The following EPYC variants were observed in gnomAD, a reference collection of about 807,000 sequenced individuals.
EPYC encodes the protein epiphycan, also known as dermatan sulfate proteoglycan 3.
In EPYC, 28 loss-of-function variants were observed where a neutral mutation model predicts 30.1. The ratio of observed to expected loss-of-function variants is 0.93; its 90% CI spans 0.69 to 1.28. EPYC has a LOEUF of 1.28. EPYC is among the 50% of genes most tolerant of loss of function. The pLI is 0.00. For missense variants in EPYC, 382 were observed against 383.5 expected (o/e 1.00, Z 0.03); for synonymous variants, 144 against 141.4 (o/e 1.02, Z -0.13).
intron 1 of EPYC, 112 bp from the exon 2 acceptor site, chr12:91,002,690 T>C: frequency 1.3e-6 from 1 of 775,368 alleles, no homozygotes; most frequent in Non-Finnish European, 2.0e-6. Context: ...AGCTGGTAGC[T>C]TTCCTTCCAT....
Position 90,964,210 on chromosome 12 carries a change from T to C in EPYC, c.915A>G (p.Lys305=), listed in dbSNP as rs749096189. 2 of 1,613,322 alleles carry C rather than the reference T, an allele frequency of 1.2e-6. No individual in the cohort carries two copies. The highest frequency in any genetic ancestry group is 1.7e-6 in the Non-Finnish European group (2 of 1,179,502). Residue 305 remains lysine, a synonymous_variant, in exon 7 of 7, where the codon AAA becomes AAG. Transcript: ENST00000261172. ...RLDGNPINLS[K]TPQAYMCLPR... ...GTAGACACATGTATGCTTGAGGAGT[T>C]TTGCTGAGATTAATAGGGTTTCCAT...
chr12:90,975,027 T>C (rs1449941829), intron 3 of EPYC, among the ~76,000 whole-genome samples: 1 of 152,098 alleles, frequency 6.6e-6, no homozygotes, highest in Non-Finnish European at 1.5e-5. Context: ...ATCAACCTAG[T>C]TGAAAGGTCT....
chr12:90,989,114 A>G (rs1019928285), intron 2 of EPYC, among the ~76,000 whole-genome samples: 3 of 152,082 alleles, frequency 2.0e-5, no homozygotes, highest in African/African-American at 7.2e-5. Flanking sequence ...CTCCTATATC[A>G]ATGTTAAATA....
At chr12:90,993,999 C>T (rs1565875687) in intron 2 of EPYC, among the ~76,000 whole-genome samples, 1 of 152,078 alleles carries the variant, frequency 6.6e-6, no homozygotes, top group Non-Finnish European at 1.5e-5. Flanking sequence ...TAAAAACTTA[C>T]ATTCCAATAG....
At chr12:90,980,415 C>T (rs902144765) in intron 2 of EPYC, among the ~76,000 whole-genome samples, 1 of 152,070 alleles carries the variant, frequency 6.6e-6, no homozygotes, top group Non-Finnish European at 1.5e-5. Flanking sequence ...AAAAGGAATG[C>T]CTTTTCACAT....
chr12:90,971,768 A>G (rs1394169423), intron 5 of EPYC, 32 bp downstream of exon 5: 2 of 1,358,670 alleles, frequency 1.5e-6, no homozygotes, highest in East Asian at 2.6e-5. Context: ...AAATTGGAAG[A>G]TAAAAGTCTG....
chr12:90,985,796 G>A (rs1877434782), intron 2 of EPYC, among the ~76,000 whole-genome samples: 1 of 152,082 alleles, frequency 6.6e-6, no homozygotes, highest in Non-Finnish European at 1.5e-5. Context: ...ACAGGACTGA[G>A]GGTGTCTGGG....
chr12:90,989,276 G>C (rs1001930877), intron 2 of EPYC, among the ~76,000 whole-genome samples: 5 of 151,750 alleles, frequency 3.3e-5, no homozygotes, highest in African/African-American at 1.2e-4. Flanking sequence ...GATCTTATTT[G>C]TTGTAGTACT....
intron 6 of EPYC, among the ~76,000 whole-genome samples, chr12:90,965,637 A>C (rs1028706256): frequency 5.9e-5 from 9 of 152,244 alleles, no homozygotes; most frequent in Middle Eastern, 6.8e-3. Context: ...TTTATAACCT[A>C]TAACATTGCT....
intron 2 of EPYC, among the ~76,000 whole-genome samples, chr12:90,990,632 C>G (rs549501279): frequency 3.3e-5 from 5 of 152,108 alleles, no homozygotes; most frequent in African/African-American, 1.2e-4. Context: ...GTAGGTAGTC[C>G]CACTTGGGAA....
chr12:90,979,315 C>T (rs1343071152), intron 2 of EPYC, among the ~76,000 whole-genome samples: 2 of 152,128 alleles, frequency 1.3e-5, no homozygotes, highest in Non-Finnish European at 2.9e-5. Flanking sequence ...TTTCCCTTAA[C>T]CACACCAATA....
At chr12:90,987,231 G>T (rs1037043648) in intron 2 of EPYC, among the ~76,000 whole-genome samples, 1 of 152,002 alleles carries the variant, frequency 6.6e-6, no homozygotes, top group Non-Finnish European at 1.5e-5. Context: ...TCTCTGACCA[G>T]AAACATTCCA....
intron 2 of EPYC, among the ~76,000 whole-genome samples, chr12:90,992,025 G>T (rs969983490): frequency 3.3e-5 from 5 of 152,170 alleles, no homozygotes; most frequent in African/African-American, 7.2e-5. Context: ...TGATTCTTCA[G>T]ATCAGTAGCC....
intron 2 of EPYC, among the ~76,000 whole-genome samples, chr12:90,996,088 A>G (rs1877687560): frequency 6.6e-6 from 1 of 151,940 alleles, no homozygotes; most frequent in African/African-American, 2.4e-5. Context: ...TATAAAGATA[A>G]GTATTGCATA....
Position 91,002,316 on chromosome 12 carries a change from C to A in EPYC, c.165+85G>T, listed in dbSNP as rs888284652. 45 of 1,168,178 alleles carry A rather than the reference C, an allele frequency of 3.9e-5. No individual in the cohort carries two copies. In the African/African-American group the frequency reaches 6.1e-4, roughly 16 times the overall value. The allele number at this position is 1,168,178 out of a possible 1,614,324, so 72.4% of individuals were successfully genotyped here. A position where few individuals can be genotyped will look rare whatever the true frequency, so the allele number is the denominator to read the frequency against. Reference sequence around the variant, plus strand: ...TAAAATCTTTCTACTTATAAAAAAACCCAAACATCTATTTGAGGAAAACAG... The same window carrying A: ...TAAAATCTTTCTACTTATAAAAAAAACCAAACATCTATTTGAGGAAAACAG... On this transcript the variant is annotated intron_variant, in intron 2 of 6. Transcript: ENST00000261172.
At chr12:90,992,632 A>T (rs1877611768) in intron 2 of EPYC, among the ~76,000 whole-genome samples, 1 of 152,284 alleles carries the variant, frequency 6.6e-6, no homozygotes, top group South Asian at 2.1e-4. Flanking sequence ...GTAAGACTGG[A>T]TGACTGATTC....
intron 2 of EPYC, 146 bp downstream of exon 2, chr12:91,002,253 CAT>C (rs1877848404): frequency 5.4e-6 from 2 of 369,476 alleles, no homozygotes; most frequent in African/African-American, 5.0e-5. Flanking sequence ...AAAGATTGAA[CAT>C]GTTTTGGAGA....
intron 5 of EPYC, among the ~76,000 whole-genome samples, chr12:90,971,105 G>A (rs142988132): frequency 3.6e-4 from 55 of 152,196 alleles, no homozygotes; most frequent in African/African-American, 1.3e-3. Flanking sequence ...CCCATTCCCT[G>A]CCAAGTAGCT....
chr12:90,989,692 T>C (rs1877538522), intron 2 of EPYC, among the ~76,000 whole-genome samples: 1 of 152,048 alleles, frequency 6.6e-6, no homozygotes, highest in South Asian at 2.1e-4. Flanking sequence ...TTGGGGACTT[T>C]AGTATTTTTT....
Sources: allele counts gnomAD v4.1 joint callset (sites outside exome capture counted in the v4.1 genomes callset), GRCh38; gene constraint gnomAD v4.1.1; transcripts MANE v1.5; gene names NCBI Gene and HGNC (gene_info 2026-07-23, HGNC 2026-07-21).